The following POLA2 variants were observed in gnomAD, a reference collection of about 807,000 sequenced individuals.
POLA2 encodes the protein DNA polymerase alpha subunit B.
In POLA2, 47 loss-of-function variants were observed where a neutral mutation model predicts 82.8. The observed-to-expected ratio is 0.57, with a 90% CI of 0.45 to 0.72. POLA2 has a LOEUF of 0.72. Ranked by LOEUF, POLA2 falls within the 30% of genes least tolerant of loss-of-function variation. The probability of loss-of-function intolerance (pLI) is 0.00; values close to 1 mark genes in which losing one functional copy is unlikely to be tolerated. For missense variants in POLA2, 634 were observed against 728.1 expected, an observed-to-expected ratio of 0.87 and a Z score of 1.49; for synonymous variants, 287 against 286.8, an observed-to-expected ratio of 1.00 and a Z score of -0.01.
intron 4 of POLA2, among the ~76,000 whole-genome samples, chr11:65,271,937 A>G (rs1026987028): frequency 2.6e-5 from 4 of 152,176 alleles, no homozygotes; most frequent in African/African-American, 9.7e-5. Flanking sequence ...AGAGATACGT[A>G]AAATGCTTAG....
chr11:65,263,880 G>A (rs1485633680), intron 1 of POLA2, among the ~76,000 whole-genome samples: 1 of 152,060 alleles, frequency 6.6e-6, no homozygotes, highest in Non-Finnish European at 1.5e-5. Context: ...AGAAATGTAT[G>A]TGGTAAGCAT....
chr11:65,287,778 T>C lies in POLA2; in HGVS notation c.1069T>C (p.Tyr357His). The C allele has an allele frequency of 6.2e-7, 1 of 1,613,894 alleles. No individual in the cohort carries two copies. Among genetic ancestry groups the C allele is most frequent in the Non-Finnish European group, 8.5e-7 (1 of 1,179,892 alleles). The change falls in exon 11 of 18, where the codon TAT becomes CAT. Residue 357 changes from tyrosine to histidine, a missense_variant. By Grantham distance (83) the Tyr-to-His change is moderately conservative. Coordinates refer to ENST00000265465, the MANE Select transcript of POLA2 (RefSeq NM_002689.4). ...GPYTTSDSIT[Y>H]DPLLDLIAVI... The stretch of plus-strand genomic sequence containing the variant: ...ATACACCACATCTGACAGCATCACG[T>C]ATGACCCCCTGCTTGACCTGATTGC...
chr11:65,274,927 A>G (rs1405689487), intron 4 of POLA2, among the ~76,000 whole-genome samples: 1 of 152,186 alleles, frequency 6.6e-6, no homozygotes, highest in Non-Finnish European at 1.5e-5. Context: ...TCCTGGGCTC[A>G]GGTGATCCTC....
At chr11:65,300,746 T>C (rs1949855126), downstream of POLA2, among the ~76,000 whole-genome samples, 1 of 152,122 alleles carries the variant, frequency 6.6e-6, no homozygotes, top group African/African-American at 2.4e-5. Flanking sequence ...CCGTGCCAAC[T>C]GATTTTTGTA....
At chr11:65,271,973 T>C (rs1054182934) in intron 4 of POLA2, among the ~76,000 whole-genome samples, 1 of 152,114 alleles carries the variant, frequency 6.6e-6, no homozygotes, top group Non-Finnish European at 1.5e-5. Context: ...ATGGAAATTG[T>C]TCAGTCACTG....
At position 65,297,157 on chromosome 11, in the gene POLA2, T is replaced by G. The variant is rs1949819677; in HGVS notation, c.1685T>G (p.Leu562Arg). ...LGCVCVNPGR[L>R]TKGQVGGTFA... ...TGTGTCTGTGTGAACCCTGGGCGCC[T>G]TACCAAAGGGCAGGTGGGAGGCACC... The change falls in exon 18 of 18, where the codon CTT (leucine) becomes CGT (arginine). Residue 562 changes from leucine (L) to arginine (R), a missense_variant. By Grantham distance (102) the Leu-to-Arg change is moderately radical. Coordinates refer to ENST00000265465, the MANE Select transcript of POLA2 (RefSeq NM_002689.4). 1 of 1,613,926 alleles carries G rather than the reference T, an allele frequency of 6.2e-7. No homozygotes were observed. The highest frequency in any genetic ancestry group is 1.3e-5 in the African/African-American group (1 of 74,878).
downstream of POLA2, among the ~76,000 whole-genome samples, chr11:65,301,379 C>T (rs568147322): frequency 2.6e-5 from 4 of 152,098 alleles, no homozygotes; most frequent in Admixed American, 2.6e-4. Context: ...AAGAGGAGTC[C>T]CAGGTGCAGC....
chr11:65,294,041 C>G (rs564147850), intron 13 of POLA2, 112 bp from the exon 14 acceptor site: 346 of 850,030 alleles, frequency 4.1e-4, no homozygotes, highest in Non-Finnish European at 6.7e-4. Context: ...TGAGCTGCCT[C>G]CCTCGGGGTG....
chr11:65,291,968 G>C (rs192258561), intron 13 of POLA2, among the ~76,000 whole-genome samples: 1 of 152,224 alleles, frequency 6.6e-6, no homozygotes, highest in African/African-American at 2.4e-5. Context: ...GGCTAAGCAC[G>C]GGGCTCACGC....
intron 4 of POLA2, among the ~76,000 whole-genome samples, chr11:65,270,291 A>C (rs1469833032): frequency 2.0e-5 from 3 of 152,174 alleles, no homozygotes; most frequent in Admixed American, 1.3e-4. Flanking sequence ...CCAAGGCAGG[A>C]GGATCAGTGA....
chr11:65,290,894 C>T (rs764862000), intron 13 of POLA2, among the ~76,000 whole-genome samples: 3 of 152,164 alleles, frequency 2.0e-5, no homozygotes, highest in Non-Finnish European at 4.4e-5. Flanking sequence ...CCCCAGGGTG[C>T]GTGGGAAGCT....
Position 65,297,200 on chromosome 11 carries a change from TAGG to T in POLA2, c.1732_1734del (p.Arg578del). On this transcript the variant is annotated inframe_deletion, in exon 18 of 18. Coordinates refer to ENST00000265465, the MANE Select transcript of POLA2 (RefSeq NM_002689.4). ...GAGGCACCTTCGCCCGACTCTACCT[TAGG>T]AGGCCGGCAGCGGACGGGGCAGAGA... is the stretch of plus-strand genomic sequence containing the variant. 1 of 1,614,008 alleles carries T rather than the reference TAGG, an allele frequency of 6.2e-7. No individual in the cohort carries two copies. Among genetic ancestry groups the T allele is most frequent in the Non-Finnish European group, 8.5e-7 (1 of 1,179,980 alleles).
intron 4 of POLA2, among the ~76,000 whole-genome samples, chr11:65,271,071 G>C (rs1388484028): frequency 1.3e-5 from 2 of 152,150 alleles, no homozygotes; most frequent in Non-Finnish European, 2.9e-5. Context: ...CCCTTCTTCT[G>C]TTTTATTTTC....
chr11:65,270,188 G>C (rs528208012), intron 4 of POLA2, among the ~76,000 whole-genome samples: 2 of 152,178 alleles, frequency 1.3e-5, no homozygotes, highest in East Asian at 3.9e-4. Flanking sequence ...AACATGGAGG[G>C]AGCCTTAATT....
At chr11:65,263,369 G>T (rs1160166014) in intron 1 of POLA2, among the ~76,000 whole-genome samples, 1 of 151,602 alleles carries the variant, frequency 6.6e-6, no homozygotes, top group Non-Finnish European at 1.5e-5. Flanking sequence ...ACAGGCGCCC[G>T]CCACCAGGCC....
At chr11:65,289,662 C>T (rs1949733740) in intron 12 of POLA2, 137 bp from the exon 13 acceptor site, 1 of 612,246 alleles carries the variant, frequency 1.6e-6, no homozygotes, top group Non-Finnish European at 2.9e-6. Flanking sequence ...AAGACAAAGA[C>T]CATGTCTTTT....
At chr11:65,294,702 C>A in intron 15 of POLA2, 50 bp downstream of exon 15, 1 of 1,286,982 alleles carries the variant, frequency 7.8e-7, no homozygotes, top group Non-Finnish European at 1.1e-6. Context: ...TTTCTGGTCC[C>A]AGCCCTTTCT....
At chr11:65,287,955 T>C in intron 11 of POLA2, 115 bp downstream of exon 11, 4 of 1,063,222 alleles carry the variant, frequency 3.8e-6, no homozygotes, top group Non-Finnish European at 5.4e-6. Flanking sequence ...TATCTTTTCA[T>C]TCTTAATCTA....
intron 17 of POLA2, 65 bp from the exon 18 acceptor site, chr11:65,297,054 CT>C: frequency 6.4e-7 from 1 of 1,565,802 alleles, no homozygotes; most frequent in Non-Finnish European, 8.7e-7. Context: ...GATGGCACTT[CT>C]TTTTCACATT....
Sources: allele counts gnomAD v4.1 joint callset (sites outside exome capture counted in the v4.1 genomes callset), GRCh38; gene constraint gnomAD v4.1.1; transcripts MANE v1.5; gene names NCBI Gene and HGNC (gene_info 2026-07-23, HGNC 2026-07-21).